UNC80: variants seen among roughly 807,000 people sequenced by gnomAD.
UNC80 encodes the protein unc-80 subunit of NALCN channel complex, also known as protein unc-80 homolog.
UNC80 carries 164 observed loss-of-function variants against 384.6 expected under a neutral mutation model. The ratio of observed to expected loss-of-function variants is 0.43; its 90% CI spans 0.38 to 0.49. UNC80 has a LOEUF of 0.49. Among genes scored for constraint, UNC80 ranks in the 20% least tolerant of loss-of-function variants. The pLI, the probability that UNC80 is intolerant of heterozygous loss-of-function variation, is 0.00. For missense variants in UNC80, 3,330 were observed against 4,143.0 expected (o/e 0.80, Z 5.39); for synonymous variants, 1,486 against 1,527.8 (o/e 0.97, Z 0.64).
chr2:209,946,430 A>G (rs1416991669), intron 47 of UNC80, among the ~76,000 whole-genome samples: 1 of 152,120 alleles, frequency 6.6e-6, no homozygotes, highest in Non-Finnish European at 1.5e-5. Context: ...TTTAGGAAAC[A>G]TAGCATAGGT....
chr2:209,894,746 C>G (rs929685659), intron 27 of UNC80, among the ~76,000 whole-genome samples: 1 of 152,186 alleles, frequency 6.6e-6, no homozygotes, highest in African/African-American at 2.4e-5. Context: ...AAAGGACAGT[C>G]TTTGAAATTC....
intron 9 of UNC80, among the ~76,000 whole-genome samples, chr2:209,816,406 G>T (rs111883284): frequency 1.3e-5 from 2 of 152,090 alleles, no homozygotes; most frequent in Non-Finnish European, 1.5e-5. Flanking sequence ...GAACAGTGGC[G>T]CACATTTAAA....
intron 7 of UNC80, among the ~76,000 whole-genome samples, chr2:209,805,907 A>C (rs934411884): frequency 2.6e-5 from 4 of 152,182 alleles, no homozygotes; most frequent in African/African-American, 9.7e-5. Flanking sequence ...ATCGGGGGCT[A>C]TGTTGGAGGC....
intron 44 of UNC80, among the ~76,000 whole-genome samples, chr2:209,942,706 A>C (rs2091705646): frequency 6.8e-6 from 1 of 147,536 alleles, no homozygotes. Context: ...TTTTTTAGTA[A>C]GTATTTTTTT....
intron 49 of UNC80, 43 bp from the exon 50 acceptor site, chr2:209,959,076 T>G: frequency 6.5e-7 from 1 of 1,543,648 alleles, no homozygotes; most frequent in Non-Finnish European, 8.8e-7. Context: ...AAGGACCCCG[T>G]TCTTGCTCTA....
At chr2:209,972,366 T>C (rs763082848) in intron 55 of UNC80, 42 bp downstream of exon 55, 16 of 1,543,676 alleles carry the variant, frequency 1.0e-5, no homozygotes, top group African/African-American at 1.4e-5. Context: ...ATTGTTGTTG[T>C]GTTCTCTTAA....
chr2:209,945,268 A>G, intron 46 of UNC80, 79 bp downstream of exon 46: 1 of 1,382,396 alleles, frequency 7.2e-7, no homozygotes, highest in East Asian at 2.5e-5. Context: ...ACACACATAC[A>G]CGTATATTTA....
intron 8 of UNC80, 129 bp downstream of exon 8, chr2:209,813,970 A>G (rs1017460686): frequency 4.3e-5 from 49 of 1,150,924 alleles, no homozygotes; most frequent in African/African-American, 1.6e-4. Flanking sequence ...CACTGTTTCT[A>G]TTATCTTTTC....
intron 5 of UNC80, among the ~76,000 whole-genome samples, chr2:209,789,297 A>G (rs1189206109): frequency 6.6e-6 from 1 of 152,222 alleles, no homozygotes; most frequent in East Asian, 1.9e-4. Context: ...CCAACTTTTT[A>G]GCACCTTAAC....
chr2:209,826,181 G>C, intron 14 of UNC80, 128 bp downstream of exon 14: 8 of 1,129,514 alleles, frequency 7.1e-6, no homozygotes, highest in Non-Finnish European at 9.6e-6. Flanking sequence ...AATTAATGCT[G>C]TTTTGGTGTG....
chr2:209,945,186 T>C lies in UNC80; in HGVS notation c.7186T>C (p.Leu2396=), dbSNP rs757776540. 7 of 1,547,892 alleles carry C rather than the reference T, an allele frequency of 4.5e-6. No individual in the cohort carries two copies. In the African/African-American group the frequency reaches 8.2e-5, roughly 18 times the overall value. Residue 2396 remains leucine, a synonymous_variant, in exon 46 of 65, where the codon TTA becomes CTA. Coordinates refer to ENST00000673920, the MANE Select transcript of UNC80 (RefSeq NM_001371986.1). The part of the protein sequence containing the change: ...LVKAEKPLKS[L]DFCYGNEDLT... The stretch of plus-strand genomic sequence containing the variant: ...CAAAGCTGAGAAGCCTCTCAAGTCA[T>C]TAGGTAAAAGCAAAACTTGCTTTGA...
intron 22 of UNC80, among the ~76,000 whole-genome samples, chr2:209,864,699 C>G (rs2083586206): frequency 6.6e-6 from 1 of 152,222 alleles, no homozygotes. Flanking sequence ...CCAAGCTGTG[C>G]AGCTTCCCTG....
intron 54 of UNC80, 50 bp from the exon 55 acceptor site, chr2:209,972,151 T>A (rs2092903869): frequency 6.5e-7 from 1 of 1,537,916 alleles, no homozygotes; most frequent in Non-Finnish European, 8.8e-7. Flanking sequence ...ACAAACATAC[T>A]AAATGGGTGT....
intron 37 of UNC80, 139 bp downstream of exon 37, chr2:209,930,110 G>T: frequency 2.3e-6 from 1 of 436,126 alleles, no homozygotes. Context: ...TTTAAATAAT[G>T]ATAATGATGA....
intron 33 of UNC80, among the ~76,000 whole-genome samples, chr2:209,920,689 GT>G (rs1297973756): frequency 6.6e-6 from 1 of 152,072 alleles, no homozygotes; most frequent in Non-Finnish European, 1.5e-5. Flanking sequence ...ATTATTAAGT[GT>G]TTATAGTGTG....
At chr2:209,904,091 T>C (rs767312117) in intron 28 of UNC80, among the ~76,000 whole-genome samples, 1 of 152,230 alleles carries the variant, frequency 6.6e-6, no homozygotes, top group Non-Finnish European at 1.5e-5. Flanking sequence ...AAAATAACCA[T>C]ATCCTTTAAA....
chr2:209,983,850 G>A (rs754512680), intron 60 of UNC80, among the ~76,000 whole-genome samples: 23 of 152,050 alleles, frequency 1.5e-4, no homozygotes, highest in Non-Finnish European at 3.2e-4. Context: ...AAATAATATA[G>A]TTAAATAGTT....
intron 51 of UNC80, among the ~76,000 whole-genome samples, chr2:209,960,444 T>G (rs1366884857): frequency 2.0e-5 from 3 of 152,172 alleles, no homozygotes; most frequent in Admixed American, 6.5e-5. Context: ...TCTATTCAGA[T>G]TTGTAATTGT....
At chr2:209,827,879 G>A (rs746455140) in intron 14 of UNC80, among the ~76,000 whole-genome samples, 3 of 152,062 alleles carry the variant, frequency 2.0e-5, no homozygotes, top group Non-Finnish European at 2.9e-5. Context: ...ATGCCTCAGC[G>A]TATCTTAGAG....
Sources: gnomAD v4.1 joint callset for allele counts (sites outside exome capture counted in the v4.1 genomes callset) on GRCh38, gnomAD v4.1.1 for gene constraint, MANE v1.5 for transcripts, NCBI Gene and HGNC (gene_info 2026-07-23, HGNC 2026-07-21) for gene names.